The following SLC8A1 variants were observed in gnomAD, a reference collection of about 807,000 sequenced individuals.
SLC8A1 encodes the protein solute carrier family 8 member A1.
Under a neutral mutation model 68.3 loss-of-function variants are expected in SLC8A1, and 18 were observed. The ratio of observed to expected loss-of-function variants is 0.26; its 90% CI spans 0.18 to 0.39. SLC8A1 has a LOEUF of 0.39. SLC8A1 is among the 10% of genes least tolerant of loss of function. The probability of loss-of-function intolerance (pLI) is 1.00; values close to 1 mark genes in which losing one functional copy is unlikely to be tolerated. For synonymous variants in SLC8A1, 475 were observed against 415.5 expected (o/e 1.14, Z -1.74); for missense variants, 985 against 1,156.7 (o/e 0.85, Z 2.15).
chr2:40,440,158 C>A (rs988822107), intron 1 of SLC8A1, among the ~76,000 whole-genome samples: 65 of 152,110 alleles, frequency 4.3e-4, no homozygotes, highest in African/African-American at 1.5e-3. Flanking sequence ...TGAATATGTT[C>A]TTTAAACCAA....
intron 2 of SLC8A1, among the ~76,000 whole-genome samples, chr2:40,205,251 T>TTTAAAAATAAC (rs138917696): frequency 0.77 from 116,041 of 151,102 alleles, 45,281 homozygotes; most frequent in Middle Eastern, 0.85. Context: ...TTTTCATCAA[T>TTTAAAAATAAC]TTAAAAATAA....
chr2:40,375,986 G>A (rs1384799777), intron 2 of SLC8A1, among the ~76,000 whole-genome samples: 1 of 152,030 alleles, frequency 6.6e-6, no homozygotes, highest in Non-Finnish European at 1.5e-5. Context: ...GGGTGACAGA[G>A]CAAGACCCTG....
intron 2 of SLC8A1, among the ~76,000 whole-genome samples, chr2:40,193,347 C>T (rs907657372): frequency 5.3e-5 from 8 of 151,982 alleles, no homozygotes; most frequent in Admixed American, 3.3e-4. Flanking sequence ...GTGACTGGCC[C>T]ACATTAGGCA....
At position 40,302,031 on chromosome 2, in the gene SLC8A1, C is replaced by CTGTGTGTGTGTGTGTGTGTGTG. The variant is rs374407377; in HGVS notation, c.1809-124198_1809-124177dup. Among the ~76,000 whole-genome samples the CTGTGTGTGTGTGTGTGTGTGTG allele has an allele frequency of 3.7e-3, 491 of 132,294 alleles. 5 individuals are homozygous for CTGTGTGTGTGTGTGTGTGTGTG. The highest frequency in any genetic ancestry group is 8.0e-3 in the Middle Eastern group (2 of 250). 86.8% of individuals were successfully genotyped at this position (132,294 alleles called of 152,430 possible). ...GCACCTGCCACCACACCGGGCTAAT[C>CTGTGTGTGTGTGTGTGTGTGTG]TGTGTGTGTGTGTGTGTGTGTGTGT... On this transcript the variant is annotated intron_variant, in intron 2 of 7. Coordinates refer to ENST00000406785, the Ensembl canonical transcript of SLC8A1.
intron 6 of SLC8A1, among the ~76,000 whole-genome samples, chr2:40,154,570 G>A (rs933039754): frequency 1.0e-4 from 15 of 146,392 alleles, no homozygotes; most frequent in South Asian, 2.2e-4. Flanking sequence ...CTCATGATCC[G>A]CCTGCCTCAG....
chr2:40,443,035 A>C (rs11681856), intron 1 of SLC8A1, among the ~76,000 whole-genome samples: 17,427 of 152,086 alleles, frequency 0.11, 1,290 homozygotes, highest in Middle Eastern at 0.22. Flanking sequence ...GTTCTCACTC[A>C]TAAGTAGGAG....
chr2:40,353,636 A>G (rs1671794643), intron 2 of SLC8A1, among the ~76,000 whole-genome samples: 1 of 152,206 alleles, frequency 6.6e-6, no homozygotes, highest in Non-Finnish European at 1.5e-5. Context: ...TCTAGGCCTG[A>G]AAACTAAGAG....
chr2:40,386,670 T>A (rs987512071), intron 2 of SLC8A1, among the ~76,000 whole-genome samples: 4 of 150,460 alleles, frequency 2.7e-5, no homozygotes, highest in Non-Finnish European at 4.4e-5. Flanking sequence ...CCAAGTATAT[T>A]ATTAATAAAT....
intron 1 of SLC8A1, among the ~76,000 whole-genome samples, chr2:40,483,621 A>G (rs1475811368): frequency 6.6e-6 from 1 of 152,250 alleles, no homozygotes; most frequent in African/African-American, 2.4e-5. Flanking sequence ...TAAGGATTAT[A>G]TTACGGTAAA....
intron 5 of SLC8A1, among the ~76,000 whole-genome samples, chr2:40,161,207 G>A (rs80177418): frequency 5.3e-5 from 8 of 152,132 alleles, no homozygotes; most frequent in Non-Finnish European, 1.2e-4. Flanking sequence ...GTAGTGTTTC[G>A]TCTGCAAGTG....
chr2:40,118,906 C>G (rs548441247), intron 7 of SLC8A1, among the ~76,000 whole-genome samples: 1 of 152,212 alleles, frequency 6.6e-6, no homozygotes, highest in African/African-American at 2.4e-5. Flanking sequence ...ACATTGCACA[C>G]TGGACTTCCT....
intron 2 of SLC8A1, among the ~76,000 whole-genome samples, chr2:40,325,348 A>C (rs1325176721): frequency 6.6e-6 from 1 of 152,142 alleles, no homozygotes; most frequent in East Asian, 1.9e-4. Flanking sequence ...AACCAGGAAA[A>C]AGTCCCAGCC....
At chr2:40,409,627 G>A (rs750282973) in intron 2 of SLC8A1, among the ~76,000 whole-genome samples, 14 of 152,018 alleles carry the variant, frequency 9.2e-5, no homozygotes, top group Non-Finnish European at 2.1e-4. Flanking sequence ...AAAAAGTGTT[G>A]GAGGTGGTGG....
intron 1 of SLC8A1, among the ~76,000 whole-genome samples, chr2:40,466,372 C>A (rs1703673273): frequency 6.6e-6 from 1 of 152,128 alleles, no homozygotes. Flanking sequence ...GAAGCTGGGG[C>A]AGCAAAGAAG....
At chr2:40,453,748 A>G (rs1447522534), upstream of SLC8A1, among the ~76,000 whole-genome samples, 1 of 152,176 alleles carries the variant, frequency 6.6e-6, no homozygotes, top group Non-Finnish European at 1.5e-5. Flanking sequence ...TATGAATCAC[A>G]TGGGGATTGC....
intron 2 of SLC8A1, among the ~76,000 whole-genome samples, chr2:40,253,927 C>T (rs2063436424): frequency 8.9e-6 from 1 of 112,252 alleles, no homozygotes; most frequent in South Asian, 2.4e-4. Context: ...ATACAGTTAG[C>T]TAAAAAGAAT....
At chr2:40,491,906 A>G (rs1435344514) in intron 1 of SLC8A1, among the ~76,000 whole-genome samples, 1 of 152,206 alleles carries the variant, frequency 6.6e-6, no homozygotes, top group African/African-American at 2.4e-5. Flanking sequence ...TATCATGAAA[A>G]TGGCCATACT....
intron 1 of SLC8A1, among the ~76,000 whole-genome samples, chr2:40,465,568 C>A (rs1304424834): frequency 6.6e-6 from 1 of 152,002 alleles, no homozygotes; most frequent in Non-Finnish European, 1.5e-5. Context: ...GTGGTTCTAT[C>A]TGAGTGTTTA....
chr2:40,189,323 T>C (rs1228689057), intron 2 of SLC8A1, among the ~76,000 whole-genome samples: 1 of 152,174 alleles, frequency 6.6e-6, no homozygotes, highest in African/African-American at 2.4e-5. Context: ...TCCTGCATAT[T>C]ATTATGTTTA....
Sources: gnomAD v4.1 joint callset for allele counts (sites outside exome capture counted in the v4.1 genomes callset) on GRCh38, gnomAD v4.1.1 for gene constraint, MANE v1.5 for transcripts, NCBI Gene and HGNC (gene_info 2026-07-23, HGNC 2026-07-21) for gene names.